Variants in HHIP observed in about 807,000 individuals in gnomAD.
HHIP encodes the protein hedgehog-interacting protein.
A neutral mutation model predicts 74.0 loss-of-function variants in HHIP; 12 were observed. The ratio of observed to expected loss-of-function variants is 0.16; its 90% CI spans 0.10 to 0.26. HHIP has a LOEUF of 0.26. Among genes scored for constraint, HHIP ranks in the 10% least tolerant of loss-of-function variants. The pLI is 1.00. For missense variants in HHIP, 788 were observed against 845.0 expected, an observed-to-expected ratio of 0.93 and a Z score of 0.84; for synonymous variants, 309 against 311.6, an observed-to-expected ratio of 0.99 and a Z score of 0.09.
chr4:144,726,822 G>A (rs116532852), intron 11 of HHIP, among the ~76,000 whole-genome samples: 297 of 152,230 alleles, frequency 2.0e-3, no homozygotes, highest in African/African-American at 6.7e-3. Context: ...CCTCTCTCTC[G>A]ATGCATCCCA....
At chr4:144,652,571 T>TA (rs762899495) in intron 1 of HHIP, 34 bp from the exon 2 acceptor site, 27 of 1,383,942 alleles carry the variant, frequency 2.0e-5, no homozygotes, top group Non-Finnish European at 2.4e-5. Flanking sequence ...ATTTACCTAC[T>TA]AAAAAAAGTT....
intron 12 of HHIP, among the ~76,000 whole-genome samples, chr4:144,735,175 T>C (rs899143228): frequency 1.3e-5 from 2 of 152,132 alleles, no homozygotes; most frequent in African/African-American, 4.8e-5. Context: ...CTAGATCATC[T>C]CTTTAGGCCT....
At chr4:144,650,669 T>A (rs1184614784) in intron 1 of HHIP, 1 of 152,114 alleles carries the variant, frequency 6.6e-6, no homozygotes, top group Non-Finnish European at 1.5e-5. Context: ...GTATTTACAC[T>A]GCAGACCTCA....
chr4:144,685,354 C>A (rs1344776307), intron 4 of HHIP, among the ~76,000 whole-genome samples: 1 of 152,170 alleles, frequency 6.6e-6, no homozygotes, highest in African/African-American at 2.4e-5. Context: ...AAAACCAGGA[C>A]ATACAGTCAC....
rs756451038 is a variant in HHIP, at chr4:144,659,674, G to T, written c.667G>T (p.Val223Leu). ...CAACTGCTTCTGTATTCAGGAGGTT[G>T]TGAGTGGGCTGCGGCAGCCCGTTGG... is the stretch of plus-strand genomic sequence containing the variant. ...KHNCFCIQEV[V>L]SGLRQPVGAL... Residue 223 changes from valine (V) to leucine (L), a missense_variant, in exon 4 of 13, where the codon GTG becomes TTG. By Grantham distance (32) the Val-to-Leu change is conservative (BLOSUM62 1). Transcript: ENST00000296575. 2 of 1,554,710 alleles carry T rather than the reference G, an allele frequency of 1.3e-6. No homozygotes were observed. Among genetic ancestry groups the T allele is most frequent in the Non-Finnish European group, 1.7e-6 (2 of 1,156,404 alleles).
chr4:144,669,217 A>C (rs1238090308), intron 4 of HHIP, among the ~76,000 whole-genome samples: 1 of 152,204 alleles, frequency 6.6e-6, no homozygotes, highest in Admixed American at 6.5e-5. Context: ...ATTGGCTAGA[A>C]ATTAAAATTA....
intron 4 of HHIP, among the ~76,000 whole-genome samples, chr4:144,693,515 G>T (rs1729732387): frequency 1.3e-5 from 2 of 151,994 alleles, no homozygotes; most frequent in Non-Finnish European, 2.9e-5. Context: ...GCTGGACACT[G>T]TCCTCCTTAA....
rs769967159 is a variant in HHIP at position 144,682,273 on chromosome 4, G to A, written c.831+22435G>A. ...ACATACTCTGAAAGTTAGACAGCACGAGTAATAGATTCCTTTAGGGATAAC... is the reference window on the plus strand; with the variant it reads ...ACATACTCTGAAAGTTAGACAGCACAAGTAATAGATTCCTTTAGGGATAAC... On this transcript the variant is annotated intron_variant, in intron 4 of 12. Coordinates refer to ENST00000296575, the MANE Select transcript of HHIP (RefSeq NM_022475.3). Among the ~76,000 whole-genome samples, 9 of 152,336 alleles carry A rather than the reference G, an allele frequency of 5.9e-5. No individual in the cohort carries two copies. In the South Asian group the frequency reaches 6.2e-4, roughly 11 times the overall value.
At chr4:144,672,136 G>A (rs1228677698) in intron 4 of HHIP, among the ~76,000 whole-genome samples, 2 of 152,328 alleles carry the variant, frequency 1.3e-5, no homozygotes, top group East Asian at 1.9e-4. Flanking sequence ...CTCCATGCTT[G>A]TCCAGGTTCA....
chr4:144,666,609 C>A (rs1369075693), intron 4 of HHIP, among the ~76,000 whole-genome samples: 1 of 152,208 alleles, frequency 6.6e-6, no homozygotes, highest in Non-Finnish European at 1.5e-5. Context: ...TGACACTGTG[C>A]TCTCAACCAG....
intron 4 of HHIP, among the ~76,000 whole-genome samples, chr4:144,667,857 A>T (rs1728919706): frequency 6.6e-6 from 1 of 152,194 alleles, no homozygotes; most frequent in Non-Finnish European, 1.5e-5. Flanking sequence ...GGGACTGAAA[A>T]GTAAGAAGGC....
chr4:144,659,287 T>C (rs1309475453), intron 3 of HHIP, among the ~76,000 whole-genome samples: 1 of 152,234 alleles, frequency 6.6e-6, no homozygotes, highest in Non-Finnish European at 1.5e-5. Context: ...TAAATAGATC[T>C]TAGAACTTTC....
intron 12 of HHIP, among the ~76,000 whole-genome samples, chr4:144,736,638 A>C (rs1242168513): frequency 1.3e-5 from 2 of 152,190 alleles, no homozygotes; most frequent in African/African-American, 2.4e-5. Flanking sequence ...TATAAATGAA[A>C]ATAGACATAC....
At chr4:144,659,568 G>A in intron 3 of HHIP, 69 bp from the exon 4 acceptor site, 1 of 1,017,310 alleles carries the variant, frequency 9.8e-7, no homozygotes, top group Non-Finnish European at 1.4e-6. Flanking sequence ...AGTTTGAAAA[G>A]GATGCCAAGT....
chr4:144,737,227 C>G (rs1352017650), intron 12 of HHIP, among the ~76,000 whole-genome samples: 1 of 152,176 alleles, frequency 6.6e-6, no homozygotes, highest in Non-Finnish European at 1.5e-5. Context: ...AAAGCATATG[C>G]TGTCTGCCCC....
At chr4:144,654,225 AAGAG>A (rs1385700149) in intron 2 of HHIP, among the ~76,000 whole-genome samples, 4 of 152,196 alleles carry the variant, frequency 2.6e-5, no homozygotes, top group African/African-American at 9.7e-5. Flanking sequence ...TATCCACTGA[AAGAG>A]AGAGCACAGC....
At chr4:144,704,809 A>C (rs1347154743) in intron 4 of HHIP, among the ~76,000 whole-genome samples, 3 of 152,220 alleles carry the variant, frequency 2.0e-5, no homozygotes, top group Admixed American at 2.0e-4. Flanking sequence ...AAGGAGGTTC[A>C]AATGTGCAGT....
chr4:144,707,456 T>A (rs1021659985), intron 6 of HHIP, among the ~76,000 whole-genome samples, 196 bp downstream of exon 6: 1 of 152,124 alleles, frequency 6.6e-6, no homozygotes, highest in African/African-American at 2.4e-5. Context: ...TTGTTTGTCA[T>A]GAAAAGAGTT....
chr4:144,682,157 T>C (rs1283347534), intron 4 of HHIP, among the ~76,000 whole-genome samples: 1 of 152,194 alleles, frequency 6.6e-6, no homozygotes, highest in Non-Finnish European at 1.5e-5. Flanking sequence ...ATGGGGGACA[T>C]AGAAAGCACT....
Sources: allele counts gnomAD v4.1 joint callset (sites outside exome capture counted in the v4.1 genomes callset), GRCh38; gene constraint gnomAD v4.1.1; transcripts MANE v1.5; gene names NCBI Gene and HGNC (gene_info 2026-07-23, HGNC 2026-07-21).